The following BMP6 variants were observed in gnomAD, a reference collection of about 807,000 sequenced individuals.
BMP6 encodes bone morphogenetic protein 6.
BMP6 carries 17 observed loss-of-function variants against 54.1 expected under a neutral mutation model. The observed-to-expected ratio is 0.31, with a 90% CI of 0.22 to 0.47. The LOEUF (loss-of-function observed/expected upper bound fraction) is 0.47. Among genes scored for constraint, BMP6 ranks in the 20% least tolerant of loss-of-function variants. The pLI is 1.00. For missense variants in BMP6, 720 were observed against 690.4 expected, an observed-to-expected ratio of 1.04 and a Z score of -0.48; for synonymous variants, 328 against 291.2, an observed-to-expected ratio of 1.13 and a Z score of -1.28.
chr6:7,732,052 A>C (rs1034900705), intron 1 of BMP6, among the ~76,000 whole-genome samples: 1 of 152,214 alleles, frequency 6.6e-6, no homozygotes, highest in Non-Finnish European at 1.5e-5. Flanking sequence ...GGGAAACATA[A>C]ATAAGAAGAA....
chr6:7,772,777 T>C (rs1488060003), intron 1 of BMP6, among the ~76,000 whole-genome samples: 1 of 152,226 alleles, frequency 6.6e-6, no homozygotes, highest in Non-Finnish European at 1.5e-5. Context: ...TCTTTGTCTC[T>C]GGACCCTTCT....
At chr6:7,773,927 T>C (rs1340679667) in intron 1 of BMP6, among the ~76,000 whole-genome samples, 1 of 152,204 alleles carries the variant, frequency 6.6e-6, no homozygotes, top group Non-Finnish European at 1.5e-5. Flanking sequence ...TTTTATCCAC[T>C]TGGTCGTTAT....
chr6:7,786,289 G>A (rs1758018776), intron 1 of BMP6, among the ~76,000 whole-genome samples: 1 of 152,076 alleles, frequency 6.6e-6, no homozygotes, highest in Non-Finnish European at 1.5e-5. Flanking sequence ...TCTACTACTG[G>A]GAACACTGGA....
chr6:7,864,963 A>G (rs954888132), intron 4 of BMP6, among the ~76,000 whole-genome samples: 2 of 152,148 alleles, frequency 1.3e-5, no homozygotes, highest in Admixed American at 1.3e-4. Flanking sequence ...GTAGGCTTCA[A>G]TTTATTAATG....
At chr6:7,875,755 T>C (rs1310177593) in intron 4 of BMP6, among the ~76,000 whole-genome samples, 12 of 152,220 alleles carry the variant, frequency 7.9e-5, no homozygotes, top group Non-Finnish European at 1.8e-4. Flanking sequence ...CTAGATTGCA[T>C]GCAGTAGAAG....
chr6:7,753,916 T>C lies in BMP6; in HGVS notation c.664+26297T>C, dbSNP rs541582729. On this transcript the variant is annotated intron_variant, in intron 1 of 6. Transcript: ENST00000283147. ...ATTTGGGGATTTACTGATTTCTAGTTTAATTCCGTTGTAATGAGAGAACAC... is the reference window on the plus strand; with the variant it reads ...ATTTGGGGATTTACTGATTTCTAGTCTAATTCCGTTGTAATGAGAGAACAC... Among the ~76,000 whole-genome samples, 143 of 152,356 alleles carry C rather than the reference T, an allele frequency of 9.4e-4. 1 individual carries two copies. Among genetic ancestry groups the C allele is most frequent in the African/African-American group, 3.4e-3 (140 of 41,576 alleles).
chr6:7,807,566 C>A (rs1303083011), intron 1 of BMP6, among the ~76,000 whole-genome samples: 3 of 152,064 alleles, frequency 2.0e-5, no homozygotes, highest in Non-Finnish European at 2.9e-5. Context: ...GGCCTGAGCC[C>A]ACGCGCCCGG....
At chr6:7,859,209 G>A (rs536823535) in intron 2 of BMP6, among the ~76,000 whole-genome samples, 6 of 151,716 alleles carry the variant, frequency 4.0e-5, no homozygotes, top group East Asian at 1.9e-4. Flanking sequence ...GATGATGTGC[G>A]TCTGCCTCAT....
intron 1 of BMP6, among the ~76,000 whole-genome samples, chr6:7,834,855 T>A (rs1758849060): frequency 6.6e-6 from 1 of 152,164 alleles, no homozygotes; most frequent in Admixed American, 6.5e-5. Flanking sequence ...GAAAGTCTAA[T>A]ATATACCTAA....
chr6:7,879,182 C>G (rs370689056), intron 5 of BMP6, 32 bp downstream of exon 5: 26 of 1,583,158 alleles, frequency 1.6e-5, no homozygotes, highest in Non-Finnish European at 1.9e-5. Flanking sequence ...GATAAAGGTC[C>G]TTTCTCAGCA....
At chr6:7,870,615 C>CT (rs112705636) in intron 4 of BMP6, among the ~76,000 whole-genome samples, 1 of 151,656 alleles carries the variant, frequency 6.6e-6, no homozygotes, top group African/African-American at 2.4e-5. Context: ...TGTCTTGGAT[C>CT]TTTTTTTTAA....
At chr6:7,734,245 A>G (rs2113107075) in intron 1 of BMP6, among the ~76,000 whole-genome samples, 1 of 152,334 alleles carries the variant, frequency 6.6e-6, no homozygotes, top group East Asian at 1.9e-4. Flanking sequence ...GTTTGGGATA[A>G]CTGGTGAATG....
chr6:7,844,024 A>G (rs1581273556), intron 1 of BMP6, among the ~76,000 whole-genome samples: 1 of 152,200 alleles, frequency 6.6e-6, no homozygotes, highest in East Asian at 1.9e-4. Context: ...CCTCACAGAG[A>G]CACGGCTTTA....
chr6:7,729,698 A>G (rs1460544691), intron 1 of BMP6, among the ~76,000 whole-genome samples: 1 of 152,176 alleles, frequency 6.6e-6, no homozygotes, highest in Non-Finnish European at 1.5e-5. Context: ...TCTGAAGGAA[A>G]TGGATACATT....
At chr6:7,739,169 C>T (rs77397247) in intron 1 of BMP6, among the ~76,000 whole-genome samples, 1,822 of 152,148 alleles carry the variant, frequency 0.012, 34 homozygotes, top group African/African-American at 0.034. Flanking sequence ...GGTAGTTTTG[C>T]GTTGTGGTGA....
rs1425260282 is a variant in BMP6, at chr6:7,861,452, G to A, written c.859G>A (p.Asp287Asn). The A allele has an allele frequency of 6.2e-7, 1 of 1,613,832 alleles. No individual in the cohort carries two copies. The highest frequency in any genetic ancestry group is 8.5e-7 in the Non-Finnish European group (1 of 1,179,902). The part of the protein sequence containing the change: ...YQVLQEHQHR[D>N]SDLFLLDTRV... Reference sequence around the variant, plus strand: ...CAGGCCATTTTTTCTTTCTTTCAGAGACTCTGACCTGTTTTTGTTGGACAC... The same window carrying A: ...CAGGCCATTTTTTCTTTCTTTCAGAAACTCTGACCTGTTTTTGTTGGACAC... The change falls in exon 3 of 7, where the codon GAC (aspartate) becomes AAC (asparagine). Residue 287 changes from aspartate to asparagine, a missense_variant and splice_region_variant. Asp to Asn is a conservative substitution (Grantham distance 23). Transcript: ENST00000283147.
In BMP6 at chr6:7,777,436, G is replaced by T. The variant is rs545095234; in HGVS notation, c.664+49817G>T. ...AATACTTTCTTCCAAGTATTCTAAA[G>T]CTCCCTCAGAGTACCTCTGTGTCAG... On this transcript the variant is annotated intron_variant, in intron 1 of 6. Coordinates refer to ENST00000283147, the MANE Select transcript of BMP6 (RefSeq NM_001718.6). Among the ~76,000 whole-genome samples, 5 of 152,294 alleles carry T rather than the reference G, an allele frequency of 3.3e-5. No individual in the cohort carries two copies. In the East Asian group the frequency reaches 9.6e-4, roughly 29 times the overall value.
At chr6:7,754,867 GC>G (rs1757488474) in intron 1 of BMP6, among the ~76,000 whole-genome samples, 1 of 152,080 alleles carries the variant, frequency 6.6e-6, no homozygotes, top group African/African-American at 2.4e-5. Flanking sequence ...ACAGGCACTT[GC>G]CACCACGCCC....
chr6:7,855,063 C>A (rs1264272445), intron 2 of BMP6, among the ~76,000 whole-genome samples: 1 of 152,156 alleles, frequency 6.6e-6, no homozygotes, highest in Admixed American at 6.5e-5. Flanking sequence ...TAGCCTAATT[C>A]GATGACACCC....
Sources: gnomAD v4.1 joint callset for allele counts (sites outside exome capture counted in the v4.1 genomes callset) on GRCh38, gnomAD v4.1.1 for gene constraint, MANE v1.5 for transcripts, NCBI Gene and HGNC (gene_info 2026-07-23, HGNC 2026-07-21) for gene names.